Variants in MAML2 observed in about 807,000 individuals in gnomAD.
MAML2 encodes the protein mastermind-like protein 2.
Under a neutral mutation model 96.1 loss-of-function variants are expected in MAML2, and 22 were observed. That is an observed-to-expected ratio of 0.23 (90% CI 0.16 to 0.33). The LOEUF is 0.33. MAML2 is among the 10% of genes least tolerant of loss of function. The pLI, the probability that MAML2 is intolerant of heterozygous loss-of-function variation, is 1.00. For missense variants in MAML2, 1,367 were observed against 1,392.4 expected (o/e 0.98, Z 0.29); for synonymous variants, 561 against 521.3 (o/e 1.08, Z -1.04).
At chr11:96,027,863 C>G (rs1362909365) in intron 2 of MAML2, among the ~76,000 whole-genome samples, 2 of 152,152 alleles carry the variant, frequency 1.3e-5, no homozygotes, top group African/African-American at 4.8e-5. Flanking sequence ...TCCCAAGTAG[C>G]TGGGACTACA....
At position 95,978,890 on chromosome 11, in the gene MAML2, T is replaced by G; in HGVS notation, c.*58A>C. Reference sequence around the variant, plus strand: ...ATCAACAGTTCAGCCTCTACAGAGTTTCTGTAATATACTGCCTTTTAGTGC... The same window carrying G: ...ATCAACAGTTCAGCCTCTACAGAGTGTCTGTAATATACTGCCTTTTAGTGC... On this transcript the variant is annotated 3_prime_UTR_variant, in exon 5 of 5. Transcript: ENST00000524717. The G allele has an allele frequency of 6.9e-7, 1 of 1,441,996 alleles. No homozygotes were observed. The highest frequency in any genetic ancestry group is 9.3e-7 in the Non-Finnish European group (1 of 1,075,032). 89.3% of individuals were successfully genotyped at this position (1,441,996 alleles called of 1,614,324 possible). A position where few individuals can be genotyped will look rare whatever the true frequency, so the allele number is the denominator to read the frequency against.
chr11:96,224,085 G>GACTTATTTCAACTATT (rs1862178586), intron 1 of MAML2, among the ~76,000 whole-genome samples: 1 of 152,096 alleles, frequency 6.6e-6, no homozygotes, highest in Non-Finnish European at 1.5e-5. Flanking sequence ...CTAACAGGGT[G>GACTTATTTCAACTATT]ACTTATTTCA....
intron 1 of MAML2, among the ~76,000 whole-genome samples, chr11:96,120,021 G>T (rs900097624): frequency 1.4e-5 from 2 of 143,006 alleles, no homozygotes; most frequent in African/African-American, 2.6e-5. Context: ...GCAGTGACAC[G>T]ATCTCAGCTC....
At chr11:96,233,742 TGAAG>T (rs1201950361) in intron 1 of MAML2, among the ~76,000 whole-genome samples, 1 of 152,112 alleles carries the variant, frequency 6.6e-6, no homozygotes, top group Non-Finnish European at 1.5e-5. Flanking sequence ...ATATGGGAGA[TGAAG>T]GAAATAGAAA....
chr11:96,108,270 A>G (rs1171929079), intron 1 of MAML2, among the ~76,000 whole-genome samples: 1 of 152,226 alleles, frequency 6.6e-6, no homozygotes, highest in Non-Finnish European at 1.5e-5. Flanking sequence ...AACTCCTGGT[A>G]TCAGAAGTAT....
rs796631760 is a variant in MAML2 at position 95,994,535 on chromosome 11, G to A, written c.2140-2812C>T. On this transcript the variant is annotated intron_variant, in intron 2 of 4. Coordinates refer to ENST00000524717, the MANE Select transcript of MAML2 (RefSeq NM_032427.4). ...AGGATTGGGGGCTGGGCCTTTTGGTGCACCCTGAGTAAGGACAGGGAAGCA... is the reference window on the plus strand; with the variant it reads ...AGGATTGGGGGCTGGGCCTTTTGGTACACCCTGAGTAAGGACAGGGAAGCA... Among the ~76,000 whole-genome samples, 7 of 152,216 alleles carry A rather than the reference G, an allele frequency of 4.6e-5. 1 individual carries two copies. The highest frequency in any genetic ancestry group is 1.7e-4 in the African/African-American group (7 of 41,540).
At chr11:96,326,182 T>C (rs932096569) in intron 1 of MAML2, among the ~76,000 whole-genome samples, 1 of 140,678 alleles carries the variant, frequency 7.1e-6, no homozygotes, top group African/African-American at 2.7e-5. Context: ...CAACATGTAG[T>C]AGGCACTCAA....
chr11:96,129,432 G>A (rs1860508003), intron 1 of MAML2, among the ~76,000 whole-genome samples: 1 of 152,066 alleles, frequency 6.6e-6, no homozygotes, highest in African/African-American at 2.4e-5. Flanking sequence ...TGCTCATCCA[G>A]GAACCACAAT....
intron 1 of MAML2, among the ~76,000 whole-genome samples, chr11:96,142,155 A>G (rs1860742050): frequency 6.6e-6 from 1 of 152,214 alleles, no homozygotes; most frequent in African/African-American, 2.4e-5. Context: ...ATTTGCAAGC[A>G]CATATGAGGG....
intron 1 of MAML2, among the ~76,000 whole-genome samples, chr11:96,274,266 G>A (rs1251274746): frequency 2.0e-5 from 3 of 151,834 alleles, no homozygotes; most frequent in Non-Finnish European, 4.4e-5. Context: ...TGTATTTTTA[G>A]TAGAGACGGG....
At chr11:95,999,888 C>T (rs905978942) in intron 2 of MAML2, among the ~76,000 whole-genome samples, 10 of 152,106 alleles carry the variant, frequency 6.6e-5, no homozygotes, top group Non-Finnish European at 8.8e-5. Context: ...TTCTCCCTAC[C>T]CACTTCTCTC....
rs560473339 is a variant in MAML2, at chr11:96,094,062, C to T, written c.514-545G>A. 3.0e-4 allele frequency among the ~76,000 whole-genome samples: 46 copies of T among 151,984 alleles called. 1 individual carries two copies. In the South Asian group the frequency reaches 6.7e-3, roughly 22 times the overall value. ...TAAGTAATTAGAATAGTTCTCAGGC[C>T]TAAGGAGATATGCTATTATTGTTCA... is the stretch of plus-strand genomic sequence containing the variant. On this transcript the variant is annotated intron_variant, in intron 1 of 4. Transcript: ENST00000524717.
intron 1 of MAML2, among the ~76,000 whole-genome samples, chr11:96,299,082 A>T (rs1451579053): frequency 3.6e-5 from 3 of 83,180 alleles, no homozygotes; most frequent in Admixed American, 1.2e-4. Flanking sequence ...TATATATATA[A>T]AATTTCACCA....
At chr11:96,158,945 A>G (rs1861054144) in intron 1 of MAML2, among the ~76,000 whole-genome samples, 2 of 152,188 alleles carry the variant, frequency 1.3e-5, no homozygotes, top group Non-Finnish European at 2.9e-5. Context: ...GGGCCCCTCT[A>G]ACACCGGAGT....
intron 2 of MAML2, among the ~76,000 whole-genome samples, chr11:95,997,596 G>A (rs1262767387): frequency 6.6e-6 from 1 of 152,022 alleles, no homozygotes; most frequent in Non-Finnish European, 1.5e-5. Flanking sequence ...GATACTGAAG[G>A]GACTTCTCAT....
intron 1 of MAML2, among the ~76,000 whole-genome samples, chr11:96,273,707 C>A (rs1190794341): frequency 1.1e-4 from 17 of 152,112 alleles, no homozygotes; most frequent in Admixed American, 1.1e-3. Context: ...GTTTTCTCAT[C>A]TGCAAAATGG....
At chr11:96,061,429 C>A (rs1859157673) in intron 2 of MAML2, among the ~76,000 whole-genome samples, 1 of 152,076 alleles carries the variant, frequency 6.6e-6, no homozygotes, top group African/African-American at 2.4e-5. Flanking sequence ...AATGCAGGTT[C>A]CTTTTTCTGA....
At chr11:96,296,024 A>G (rs1863294288) in intron 1 of MAML2, among the ~76,000 whole-genome samples, 1 of 151,686 alleles carries the variant, frequency 6.6e-6, no homozygotes, top group Admixed American at 6.6e-5. Context: ...TATGCAGTAC[A>G]TTTTCTTTCT....
At chr11:96,320,466 G>A (rs554139421) in intron 1 of MAML2, among the ~76,000 whole-genome samples, 5 of 152,296 alleles carry the variant, frequency 3.3e-5, no homozygotes, top group African/African-American at 1.2e-4. Flanking sequence ...TGCTGACTCT[G>A]GAAATGGCTC....
Sources: allele counts gnomAD v4.1 joint callset (sites outside exome capture counted in the v4.1 genomes callset), GRCh38; gene constraint gnomAD v4.1.1; transcripts MANE v1.5; gene names NCBI Gene and HGNC (gene_info 2026-07-23, HGNC 2026-07-21).